CCSER1: variants seen among roughly 807,000 people sequenced by gnomAD.
The protein encoded by CCSER1 is serine-rich coiled-coil domain-containing protein 1.
In CCSER1, 41 loss-of-function variants were observed where a neutral mutation model predicts 82.0. The ratio of observed to expected loss-of-function variants is 0.50; its 90% CI spans 0.39 to 0.65. The LOEUF (loss-of-function observed/expected upper bound fraction) is 0.65, where lower values mean the gene tolerates loss of function less well. Among genes scored for constraint, CCSER1 ranks in the 30% least tolerant of loss-of-function variants. The probability of loss-of-function intolerance (pLI) is 0.00; values close to 1 mark genes in which losing one functional copy is unlikely to be tolerated. For missense variants in CCSER1, 1,119 were observed against 1,064.2 expected, an observed-to-expected ratio of 1.05 and a Z score of -0.72; for synonymous variants, 414 against 383.9, an observed-to-expected ratio of 1.08 and a Z score of -0.92.
intron 7 of CCSER1, among the ~76,000 whole-genome samples, chr4:90,783,835 C>T (rs543256208): frequency 2.0e-5 from 3 of 152,206 alleles, no homozygotes; most frequent in South Asian, 2.1e-4. Flanking sequence ...GGGATACAGG[C>T]CCACTTAAGA....
At chr4:90,944,690 A>G (rs1732022675) in intron 9 of CCSER1, among the ~76,000 whole-genome samples, 1 of 152,220 alleles carries the variant, frequency 6.6e-6, no homozygotes, top group Non-Finnish European at 1.5e-5. Flanking sequence ...CATTTAGTCA[A>G]ATAAGTCCTT....
intron 10 of CCSER1, among the ~76,000 whole-genome samples, chr4:91,465,191 A>G (rs1274988199): frequency 6.6e-6 from 1 of 152,218 alleles, no homozygotes; most frequent in Non-Finnish European, 1.5e-5. Context: ...AGAACTCAGG[A>G]TTAAGAAACT....
At chr4:90,506,011 C>T (rs1157032526) in intron 5 of CCSER1, among the ~76,000 whole-genome samples, 2 of 152,142 alleles carry the variant, frequency 1.3e-5, no homozygotes, top group African/African-American at 2.4e-5. Context: ...CTTTGTCTTG[C>T]GATTCTATTT....
At chr4:90,686,199 G>T (rs867484447) in intron 6 of CCSER1, among the ~76,000 whole-genome samples, 1 of 151,994 alleles carries the variant, frequency 6.6e-6, no homozygotes, top group East Asian at 1.9e-4. Context: ...TTAGCCACAG[G>T]CCTCAGAGCT....
At chr4:91,476,270 CTCTCCTT>C (rs1259340027) in intron 10 of CCSER1, among the ~76,000 whole-genome samples, 1 of 151,632 alleles carries the variant, frequency 6.6e-6, no homozygotes, top group Non-Finnish European at 1.5e-5. Flanking sequence ...GTATATGAGT[CTCTCCTT>C]TCTCCACATC....
intron 10 of CCSER1, among the ~76,000 whole-genome samples, chr4:91,558,110 A>AAT: frequency 6.7e-6 from 1 of 149,980 alleles, no homozygotes; most frequent in African/African-American, 2.4e-5. Context: ...TAATAAAAAA[A>AAT]ATATATTTCA....
chr4:91,097,840 A>G (rs1237281894), intron 10 of CCSER1, among the ~76,000 whole-genome samples: 1 of 152,202 alleles, frequency 6.6e-6, no homozygotes, highest in Non-Finnish European at 1.5e-5. Context: ...TAGATGATTT[A>G]TGAATGTATC....
intron 10 of CCSER1, among the ~76,000 whole-genome samples, chr4:91,342,075 T>C (rs573619693): frequency 6.6e-6 from 1 of 152,252 alleles, no homozygotes; most frequent in South Asian, 2.1e-4. Flanking sequence ...TTTTGCTGCA[T>C]AAAAGTGAAT....
At chr4:91,427,469 C>A (rs897649309) in intron 10 of CCSER1, among the ~76,000 whole-genome samples, 11 of 152,056 alleles carry the variant, frequency 7.2e-5, no homozygotes, top group African/African-American at 2.4e-4. Flanking sequence ...GTTTTTCTAT[C>A]TGTAAACAAT....
intron 1 of CCSER1, among the ~76,000 whole-genome samples, chr4:90,176,651 A>G (rs1732743319): frequency 6.6e-6 from 1 of 152,028 alleles, no homozygotes; most frequent in African/African-American, 2.4e-5. Flanking sequence ...CGATATCCAG[A>G]AACTCTGAAG....
At chr4:90,890,876 T>C (rs11942475) in intron 8 of CCSER1, among the ~76,000 whole-genome samples, 9,148 of 152,260 alleles carry the variant, frequency 0.06, 315 homozygotes, top group Admixed American at 0.098. Context: ...ATGTCTAGCA[T>C]TAGATAAGGC....
intron 10 of CCSER1, among the ~76,000 whole-genome samples, chr4:91,259,856 TG>T (rs1315445198): frequency 6.6e-6 from 1 of 152,194 alleles, no homozygotes; most frequent in Non-Finnish European, 1.5e-5. Flanking sequence ...GCATTTGGGT[TG>T]GTTCCAAGTC....
intron 9 of CCSER1, among the ~76,000 whole-genome samples, chr4:90,953,714 T>C (rs1733151691): frequency 6.6e-6 from 1 of 151,926 alleles, no homozygotes; most frequent in Non-Finnish European, 1.5e-5. Flanking sequence ...CAAGTAAATG[T>C]GCAGATGTGT....
intron 7 of CCSER1, among the ~76,000 whole-genome samples, chr4:90,750,380 C>T (rs1469528822): frequency 6.6e-6 from 1 of 152,046 alleles, no homozygotes; most frequent in Non-Finnish European, 1.5e-5. Flanking sequence ...GCATGGAGTA[C>T]TTTTAGCTAA....
intron 1 of CCSER1, among the ~76,000 whole-genome samples, chr4:90,299,882 ATGATCAATGTCCTT>A (rs1732758665): frequency 6.6e-6 from 1 of 152,124 alleles, no homozygotes; most frequent in South Asian, 2.1e-4. Flanking sequence ...TTAGTAAAAA[ATGATCAATGTCCTT>A]TGATATGTTT....
chr4:90,280,253 A>C (rs1728619196), intron 1 of CCSER1, among the ~76,000 whole-genome samples: 1 of 151,998 alleles, frequency 6.6e-6, no homozygotes, highest in Non-Finnish European at 1.5e-5. Flanking sequence ...GACAAACTGT[A>C]ATGATGAATT....
chr4:91,572,258 G>T (rs1452074399), intron 10 of CCSER1, among the ~76,000 whole-genome samples: 3 of 152,254 alleles, frequency 2.0e-5, no homozygotes, highest in South Asian at 2.1e-4. Flanking sequence ...ACCAGAGAAG[G>T]CTGTGAAACA....
intron 7 of CCSER1, among the ~76,000 whole-genome samples, chr4:90,733,834 A>G (rs1463107264): frequency 1.3e-5 from 2 of 151,954 alleles, no homozygotes; most frequent in African/African-American, 4.8e-5. Flanking sequence ...AGTTTTCTGT[A>G]TATGTATAGA....
At chr4:90,477,545 A>G (rs768389903) in intron 5 of CCSER1, among the ~76,000 whole-genome samples, 6 of 152,154 alleles carry the variant, frequency 3.9e-5, no homozygotes, top group Non-Finnish European at 5.9e-5. Context: ...AGAATACATA[A>G]TGTTCTGTGG....
Sources: gnomAD v4.1 joint callset for allele counts (sites outside exome capture counted in the v4.1 genomes callset) on GRCh38, gnomAD v4.1.1 for gene constraint, MANE v1.5 for transcripts, NCBI Gene and HGNC (gene_info 2026-07-23, HGNC 2026-07-21) for gene names.